LRRC4C: variants seen among roughly 807,000 people sequenced by gnomAD.
LRRC4C encodes the protein leucine rich repeat containing 4C, also known as leucine-rich repeat-containing protein 4C.
A neutral mutation model predicts 33.6 loss-of-function variants in LRRC4C; 5 were observed. The observed-to-expected ratio is 0.15, with a 90% confidence interval of 0.08 to 0.31. The LOEUF (loss-of-function observed/expected upper bound fraction) is 0.31, where lower values mean the gene tolerates loss of function less well. Ranked by LOEUF, LRRC4C falls within the 10% of genes least tolerant of loss-of-function variation. The pLI is 1.00. For missense variants in LRRC4C, 560 were observed against 796.7 expected (o/e 0.70, Z 3.58); for synonymous variants, 329 against 302.0 (o/e 1.09, Z -0.93).
chr11:41,287,216 T>A (rs1406267749), intron 1 of LRRC4C, among the ~76,000 whole-genome samples: 1 of 152,174 alleles, frequency 6.6e-6, no homozygotes, highest in African/African-American at 2.4e-5. Context: ...TTTCACTAAA[T>A]AAGTTTGTCA....
At chr11:40,731,591 G>C (rs987378097) in intron 2 of LRRC4C, among the ~76,000 whole-genome samples, 1 of 152,024 alleles carries the variant, frequency 6.6e-6, no homozygotes, top group South Asian at 2.1e-4. Context: ...CTCCCATTAC[G>C]ACATTATTCT....
chr11:40,394,966 C>T (rs563472416), intron 3 of LRRC4C, among the ~76,000 whole-genome samples: 49 of 152,132 alleles, frequency 3.2e-4, no homozygotes, highest in Non-Finnish European at 5.3e-4. Flanking sequence ...AACTATTGGC[C>T]TTCAGAAACT....
chr11:40,197,785 CAG>C (rs1183079128), intron 5 of LRRC4C, among the ~76,000 whole-genome samples: 1 of 152,110 alleles, frequency 6.6e-6, no homozygotes, highest in Non-Finnish European at 1.5e-5. Flanking sequence ...TTTCAAGTGT[CAG>C]GGGAACAAAA....
intron 6 of LRRC4C, among the ~76,000 whole-genome samples, chr11:40,133,275 T>A (rs756751118): frequency 6.6e-6 from 1 of 152,174 alleles, no homozygotes. Context: ...ATTTTTATAA[T>A]GAGCAATGCA....
At chr11:40,472,515 T>C (rs1236475564) in intron 3 of LRRC4C, among the ~76,000 whole-genome samples, 2 of 122,168 alleles carry the variant, frequency 1.6e-5, no homozygotes, top group Admixed American at 8.9e-5. Context: ...GCAGGAAAGA[T>C]TTAAAATCAA....
intron 1 of LRRC4C, among the ~76,000 whole-genome samples, chr11:41,075,563 A>G (rs1165642505): frequency 1.3e-5 from 2 of 152,036 alleles, no homozygotes; most frequent in Non-Finnish European, 2.9e-5. Flanking sequence ...TATCTTCTAA[A>G]CCAAACCCAT....
intron 1 of LRRC4C, among the ~76,000 whole-genome samples, chr11:41,059,211 T>TTTTTTTTTTTTG (rs966412560): frequency 1.2e-3 from 3 of 2,440 alleles, no homozygotes; most frequent in Admixed American, 0.01. Flanking sequence ...AAAATAAAAG[T>TTTTTTTTTTTTG]TTTTTTTTTT....
At chr11:41,090,691 G>T (rs886480934) in intron 1 of LRRC4C, among the ~76,000 whole-genome samples, 1 of 152,082 alleles carries the variant, frequency 6.6e-6, no homozygotes, top group Non-Finnish European at 1.5e-5. Context: ...GAGGGACCAG[G>T]TGAGAAGGTG....
intron 1 of LRRC4C, among the ~76,000 whole-genome samples, chr11:41,409,374 G>C (rs1393305580): frequency 6.6e-6 from 1 of 152,160 alleles, no homozygotes; most frequent in East Asian, 1.9e-4. Flanking sequence ...GGATGACTTG[G>C]AATAAATGAT....
At chr11:41,426,763 A>T (rs190803298) in intron 1 of LRRC4C, among the ~76,000 whole-genome samples, 35 of 152,240 alleles carry the variant, frequency 2.3e-4, no homozygotes, top group Admixed American at 5.9e-4. Context: ...GCTCCTCATT[A>T]TATTGACTGA....
At chr11:41,245,638 G>A (rs1033427773) in intron 1 of LRRC4C, among the ~76,000 whole-genome samples, 2 of 152,362 alleles carry the variant, frequency 1.3e-5, no homozygotes, top group East Asian at 3.9e-4. Flanking sequence ...TGAAAGGGCT[G>A]CAGCTCTTCT....
At chr11:40,710,208 T>C (rs1025123042) in intron 2 of LRRC4C, among the ~76,000 whole-genome samples, 10 of 152,232 alleles carry the variant, frequency 6.6e-5, no homozygotes, top group Admixed American at 5.2e-4. Context: ...GTCAAAGTCA[T>C]TCTCCATCCT....
chr11:41,421,347 G>A (rs1954867238), intron 1 of LRRC4C, among the ~76,000 whole-genome samples: 1 of 152,022 alleles, frequency 6.6e-6, no homozygotes, highest in African/African-American at 2.4e-5. Flanking sequence ...CATAGCAACT[G>A]TTGGTAATTT....
At chr11:40,934,422 G>A (rs1371548431) in intron 1 of LRRC4C, among the ~76,000 whole-genome samples, 1 of 152,152 alleles carries the variant, frequency 6.6e-6, no homozygotes, top group Non-Finnish European at 1.5e-5. Flanking sequence ...GCACTCGTGT[G>A]TTTACTTTCT....
rs184020829 is a variant in LRRC4C at position 41,432,037 on chromosome 11, A to G, written c.-496+27394T>C. 5.5e-3 allele frequency among the ~76,000 whole-genome samples: 845 copies of G among 152,298 alleles called. 9 individuals are homozygous for G. Among genetic ancestry groups the G allele is most frequent in the African/African-American group, 0.02 (820 of 41,570 alleles). On this transcript the variant is annotated intron_variant, in intron 1 of 6. Coordinates refer to ENST00000528697, the MANE Select transcript of LRRC4C (RefSeq NM_001258419.2). ...GTGCCAAGAAGGGTGGTCACCAGCG[A>G]GAAAAGTTAGGTTGAAGTGGTACAT...
intron 1 of LRRC4C, among the ~76,000 whole-genome samples, chr11:41,004,469 C>T (rs558989913): frequency 6.6e-6 from 1 of 152,302 alleles, no homozygotes; most frequent in South Asian, 2.1e-4. Context: ...TACAAAAATG[C>T]ATGATTCCTA....
intron 2 of LRRC4C, among the ~76,000 whole-genome samples, chr11:40,784,924 AGGG>A (rs1950349639): frequency 6.6e-6 from 1 of 152,156 alleles, no homozygotes; most frequent in Admixed American, 6.5e-5. Flanking sequence ...ATTAATAGAA[AGGG>A]AGGAAGAAAA....
At chr11:40,860,717 C>T (rs896009275) in intron 2 of LRRC4C, among the ~76,000 whole-genome samples, 2 of 148,292 alleles carry the variant, frequency 1.3e-5, no homozygotes, top group Non-Finnish European at 1.5e-5. Flanking sequence ...TCAAGGAATC[C>T]CATCTGCCTT....
In LRRC4C at chr11:40,550,808, GAA is replaced by G. The variant is rs5791385; in HGVS notation, c.-270+97332_-270+97333del. The stretch of plus-strand genomic sequence containing the variant: ...TGAGGGAACCTCTAAATTTTGGGTG[GAA>G]AAAAAAAAATACCTAAGAGAAGCCT... On this transcript the variant is annotated intron_variant, in intron 3 of 6. Coordinates refer to ENST00000528697, the MANE Select transcript of LRRC4C (RefSeq NM_001258419.2). Among the ~76,000 whole-genome samples, 874 of 147,918 alleles carry G rather than the reference GAA, an allele frequency of 5.9e-3. 25 individuals carry two copies. Among genetic ancestry groups the G allele is most frequent in the Admixed American group, 0.033 (492 of 14,792 alleles).
Sources: allele counts gnomAD v4.1 joint callset (sites outside exome capture counted in the v4.1 genomes callset), GRCh38; gene constraint gnomAD v4.1.1; transcripts MANE v1.5; gene names NCBI Gene and HGNC (gene_info 2026-07-23, HGNC 2026-07-21).